The following PARD3B variants were observed in gnomAD, a reference collection of about 807,000 sequenced individuals.
The protein encoded by PARD3B is par-3 family cell polarity regulator beta.
Under a neutral mutation model 130.2 loss-of-function variants are expected in PARD3B, and 103 were observed. The ratio of observed to expected loss-of-function variants is 0.79; its 90% CI spans 0.67 to 0.93. The LOEUF (loss-of-function observed/expected upper bound fraction) is 0.93, where lower values mean the gene tolerates loss of function less well. Ranked by LOEUF, PARD3B falls within the 40% of genes least tolerant of loss-of-function variation. The pLI is 0.00. For synonymous variants in PARD3B, 583 were observed against 553.2 expected (o/e 1.05, Z -0.76); for missense variants, 1,609 against 1,499.2 (o/e 1.07, Z -1.21).
chr2:205,291,669 C>A lies in PARD3B; in HGVS notation c.2186-8861C>A, dbSNP rs1345143251. 6.6e-6 allele frequency among the ~76,000 whole-genome samples: 1 copy of A among 152,156 alleles called. No homozygotes were observed. Among genetic ancestry groups the A allele is most frequent in the Non-Finnish European group, 1.5e-5 (1 of 68,036 alleles). On this transcript the variant is annotated intron_variant, in intron 16 of 22. Transcript: ENST00000406610. The surrounding 1 kb of genome is among the most constrained non-coding windows in gnomAD (Gnocchi z 4.6). The stretch of plus-strand genomic sequence containing the variant: ...ATAGGCACAGCCTGGCTTTTTCTGA[C>A]TGCTTATAGTAAAATTCAAGATGAG...
chr2:204,557,259 A>G (rs1470531555), intron 1 of PARD3B, among the ~76,000 whole-genome samples: 2 of 152,108 alleles, frequency 1.3e-5, no homozygotes, highest in Non-Finnish European at 2.9e-5. Flanking sequence ...TGGATGTCCC[A>G]CAGACAATTC....
intron 2 of PARD3B, among the ~76,000 whole-genome samples, chr2:204,905,247 C>A (rs1479862048): frequency 6.6e-6 from 1 of 152,066 alleles, no homozygotes; most frequent in Non-Finnish European, 1.5e-5. Flanking sequence ...TGGAGCAGTG[C>A]CCCGGGATGT....
At chr2:204,710,145 T>C (rs2038364709) in intron 2 of PARD3B, among the ~76,000 whole-genome samples, 2 of 152,210 alleles carry the variant, frequency 1.3e-5, no homozygotes, top group Non-Finnish European at 2.9e-5. Context: ...TTCTTCCTTC[T>C]TTTCTTAAAT....
chr2:204,817,923 T>C (rs1248243078), intron 2 of PARD3B, among the ~76,000 whole-genome samples: 1 of 152,174 alleles, frequency 6.6e-6, no homozygotes, highest in Non-Finnish European at 1.5e-5. Context: ...AAAAACTTTT[T>C]TTCAGGCAAG....
At chr2:204,552,703 A>G (rs1181050621) in intron 1 of PARD3B, among the ~76,000 whole-genome samples, 2 of 152,198 alleles carry the variant, frequency 1.3e-5, no homozygotes, top group African/African-American at 4.8e-5. Context: ...ATCCAGCTTC[A>G]TTCTCCTACA....
intron 1 of PARD3B, among the ~76,000 whole-genome samples, chr2:204,560,034 G>A (rs1051109354): frequency 3.4e-5 from 5 of 147,354 alleles, no homozygotes; most frequent in African/African-American, 7.5e-5. Flanking sequence ...ACTGGGGCCT[G>A]TTGTGGGGTG....
At chr2:204,787,338 G>A (rs2042047839) in intron 2 of PARD3B, among the ~76,000 whole-genome samples, 1 of 152,042 alleles carries the variant, frequency 6.6e-6, no homozygotes, top group Non-Finnish European at 1.5e-5. Context: ...TTGTGTGTTA[G>A]GGAGAAAATC....
chr2:205,380,249 TATAATATATAAAGAATATATA>T (rs2045279603), intron 18 of PARD3B, among the ~76,000 whole-genome samples: 8 of 46,516 alleles, frequency 1.7e-4, no homozygotes, highest in Non-Finnish European at 1.8e-4. Context: ...ATATATTATA[TATAATATATAAAGAATATATA>T]TTATATAATA....
chr2:204,639,493 G>A (rs184627249), intron 1 of PARD3B, among the ~76,000 whole-genome samples: 1 of 152,110 alleles, frequency 6.6e-6, no homozygotes, highest in African/African-American at 2.4e-5. Context: ...GAAAATACTT[G>A]GGGAATAAAT....
intron 21 of PARD3B, among the ~76,000 whole-genome samples, chr2:205,548,652 A>T (rs1205824918): frequency 2.6e-5 from 4 of 152,180 alleles, no homozygotes; most frequent in Non-Finnish European, 5.9e-5. Context: ...GAATAATCTT[A>T]AAAACTATAA....
chr2:205,033,165 C>T (rs1367583001), intron 3 of PARD3B, among the ~76,000 whole-genome samples: 1 of 152,116 alleles, frequency 6.6e-6, no homozygotes, highest in South Asian at 2.1e-4. Context: ...TGAGCCATCC[C>T]AAATGTGCAC....
chr2:205,438,275 T>G (rs974092888), intron 19 of PARD3B, among the ~76,000 whole-genome samples: 1 of 152,162 alleles, frequency 6.6e-6, no homozygotes, highest in African/African-American at 2.4e-5. Flanking sequence ...GTTTAATTAA[T>G]GAGAAAACCT....
chr2:204,553,659 T>TGG (rs1259390764), intron 1 of PARD3B, among the ~76,000 whole-genome samples: 341 of 12,624 alleles, frequency 0.027, 3 homozygotes, highest in African/African-American at 0.039. Flanking sequence ...TCCATATATA[T>TGG]ATATATATAT....
intron 21 of PARD3B, among the ~76,000 whole-genome samples, chr2:205,542,911 A>G (rs1369821673): frequency 6.6e-6 from 1 of 152,242 alleles, no homozygotes; most frequent in African/African-American, 2.4e-5. Context: ...GGCAGTCTTA[A>G]TAAGGCATAA....
Position 205,158,707 on chromosome 2 carries a change from G to A in PARD3B, c.1435-15G>A, listed in dbSNP as rs188704029. The A allele has an allele frequency of 3.1e-4, 489 of 1,600,100 alleles. 4 individuals carry two copies. The African/African-American group carries it at 6.2e-3, about 20-fold the overall frequency. ...TTTCTTCTCTTCACTCTTTTCATGTGTATTCCCCTAACAGAAAGGAGAACC... is the reference window on the plus strand; with the variant it reads ...TTTCTTCTCTTCACTCTTTTCATGTATATTCCCCTAACAGAAAGGAGAACC... On this transcript the variant is annotated splice_polypyrimidine_tract_variant and intron_variant, in intron 10 of 22. Transcript: ENST00000406610. This position sits in a 1 kb window ranked among gnomAD's most constrained non-coding sequence, Gnocchi z 5.4.
chr2:205,135,077 T>C (rs16837012), intron 10 of PARD3B, among the ~76,000 whole-genome samples: 39,545 of 152,118 alleles, frequency 0.26, 5,387 homozygotes, highest in East Asian at 0.4. Flanking sequence ...GTGGCTATGA[T>C]TATGCTTCTG....
At chr2:204,857,105 G>A (rs13409991) in intron 2 of PARD3B, among the ~76,000 whole-genome samples, 8,365 of 152,094 alleles carry the variant, frequency 0.055, 475 homozygotes, top group African/African-American at 0.14. Flanking sequence ...AGTTATTGCT[G>A]AAGCCAGTGA....
chr2:205,403,593 C>T (rs1322348894), intron 19 of PARD3B, among the ~76,000 whole-genome samples: 8 of 152,044 alleles, frequency 5.3e-5, no homozygotes, highest in Non-Finnish European at 4.4e-5. Flanking sequence ...CCAACTACAT[C>T]AGAATGAATC....
At chr2:205,151,781 G>C (rs985197828) in intron 10 of PARD3B, among the ~76,000 whole-genome samples, 1 of 152,102 alleles carries the variant, frequency 6.6e-6, no homozygotes, top group Non-Finnish European at 1.5e-5. Context: ...ATATTGTTAT[G>C]TGTGAATTTG....
Sources: gnomAD v4.1 joint callset for allele counts (sites outside exome capture counted in the v4.1 genomes callset) on GRCh38, gnomAD v4.1.1 for gene constraint, Gnocchi (gnomAD v3.1) non-coding constraint, MANE v1.5 for transcripts, NCBI Gene and HGNC (gene_info 2026-07-23, HGNC 2026-07-21) for gene names.